Variants in ANG observed in about 807,000 individuals in gnomAD.
ANG encodes the protein angiogenin, also known as Homo sapiens epididymis luminal protein 168.
For synonymous variants in ANG, 74 were observed against 73.8 expected, an observed-to-expected ratio of 1.00 and a Z score of -0.02; for missense variants, 178 against 187.4, an observed-to-expected ratio of 0.95 and a Z score of 0.29.
upstream of ANG, among the ~76,000 whole-genome samples, chr14:20,686,265 A>G (rs775272031): frequency 1.3e-5 from 2 of 152,174 alleles, no homozygotes; most frequent in Non-Finnish European, 2.9e-5. Context: ...TAATGTGGAG[A>G]TGAACTATCG....
At chr14:20,686,466 C>A (rs1358961314), upstream of ANG, among the ~76,000 whole-genome samples, 1 of 152,130 alleles carries the variant, frequency 6.6e-6, no homozygotes, top group Non-Finnish European at 1.5e-5. Context: ...TCAGTGAAAC[C>A]TTTCTTTAGG....
At position 20,693,697 on chromosome 14, in the gene ANG, C is replaced by T. The variant is rs746187039; in HGVS notation, c.133C>T (p.Arg45Trp). ...TQHYDAKPQG[R>W]DDRYCESIMR... ...GCACTATGATGCCAAACCACAGGGC[C>T]GGGATGACAGATACTGTGAAAGCAT... Residue 45 changes from arginine (R) to tryptophan (W), a missense_variant, in exon 2 of 2, where the codon CGG becomes TGG. Physicochemically the swap from Arg to Trp is moderately radical, Grantham distance 101. Transcript: ENST00000397990. 12 of 1,614,010 alleles carry T rather than the reference C, an allele frequency of 7.4e-6. No homozygotes were observed. The highest frequency in any genetic ancestry group is 4.5e-5 in the East Asian group (2 of 44,890).
At chr14:20,688,545 A>G (rs1566598727), upstream of ANG, 8 of 221,466 alleles carry the variant, frequency 3.6e-5, no homozygotes. Context: ...CACCACAGAC[A>G]GCAGAAAAGG....
rs1484555472 is a variant in ANG at position 20,694,049 on chromosome 14, C to A, written c.*41C>A. The A allele has an allele frequency of 1.9e-6, 3 of 1,607,732 alleles. No individual in the cohort carries two copies. Among genetic ancestry groups the A allele is most frequent in the Non-Finnish European group, 8.5e-7 (1 of 1,174,296 alleles). The stretch of plus-strand genomic sequence containing the variant: ...TCAAGTGCTGGCTCTGCTGTCCTTG[C>A]CTTCCATTTCCCCTCTGCACCCAGA... On this transcript the variant is annotated 3_prime_UTR_variant, in exon 2 of 2. Transcript: ENST00000397990.
chr14:20,693,742 A>T lies in ANG; in HGVS notation c.178A>T (p.Thr60Ser). The T allele has an allele frequency of 1.2e-6, 2 of 1,614,200 alleles. No individual in the cohort carries two copies. Among genetic ancestry groups the T allele is most frequent in the South Asian group, 2.2e-5 (2 of 91,088 alleles). The change falls in exon 2 of 2, where the codon ACC becomes TCC. Residue 60 changes from threonine (T) to serine (S), a missense_variant. Thr to Ser is a moderately conservative substitution (Grantham distance 58). Coordinates refer to ENST00000397990, the MANE Select transcript of ANG (RefSeq NM_001097577.3). ...CESIMRRRGL[T>S]SPCKDINTFI... The stretch of plus-strand genomic sequence containing the variant: ...AAGCATCATGAGGAGACGGGGCCTG[A>T]CCTCACCCTGCAAAGACATCAACAC...
chr14:20,692,930 C>A (rs1271752874), intron 1 of ANG, among the ~76,000 whole-genome samples: 1 of 152,148 alleles, frequency 6.6e-6, no homozygotes, highest in Non-Finnish European at 1.5e-5. Context: ...TCACTGCAAG[C>A]TCCGCCTCCC....
intron 1 of ANG, among the ~76,000 whole-genome samples, chr14:20,691,454 ATG>A (rs1886741211): frequency 6.6e-6 from 1 of 152,248 alleles, no homozygotes; most frequent in South Asian, 2.1e-4. Context: ...CATGATGTAA[ATG>A]TGAAGAACGT....
In ANG at chr14:20,693,737, G is replaced by T. The variant is rs1448731026; in HGVS notation, c.173G>T (p.Gly58Val). The change falls in exon 2 of 2, where the codon GGC becomes GTC. Residue 58 changes from glycine to valine, a missense_variant. Coordinates refer to ENST00000397990, the MANE Select transcript of ANG (RefSeq NM_001097577.3). ...TGTGAAAGCATCATGAGGAGACGGG[G>T]CCTGACCTCACCCTGCAAAGACATC... ...RYCESIMRRR[G>V]LTSPCKDINT... 1.9e-6 allele frequency: 3 copies of T among 1,614,202 alleles called. No homozygotes were observed. Among genetic ancestry groups the T allele is most frequent in the Admixed American group, 3.3e-5 (2 of 60,030 alleles).
chr14:20,688,670 C>T (rs1389888822), upstream of ANG: 3 of 984,860 alleles, frequency 3.0e-6, no homozygotes, highest in Admixed American at 6.1e-5. Context: ...AGGTGAATGA[C>T]CCTCCTCGTT....
At chr14:20,686,116 A>C (rs1886414965), upstream of ANG, among the ~76,000 whole-genome samples, 1 of 151,864 alleles carries the variant, frequency 6.6e-6, no homozygotes, top group Non-Finnish European at 1.5e-5. Context: ...TCCTTGGGCA[A>C]TACATGTCTC....
chr14:20,693,366 G>A, intron 1 of ANG, 181 bp from the exon 2 acceptor site: 3 of 742,234 alleles, frequency 4.0e-6, no homozygotes, highest in Non-Finnish European at 4.4e-6. Flanking sequence ...TTAAATAGAC[G>A]TTCCGCAGGA....
At chr14:20,688,936 C>T (rs1334093767) in intron 1 of ANG, 62 bp downstream of exon 1, 1 of 866,126 alleles carries the variant, frequency 1.2e-6, no homozygotes, top group East Asian at 1.2e-4. Context: ...TTTAATGAAA[C>T]CATTTTCCTC....
chr14:20,687,469 T>C (rs367569683), upstream of ANG, among the ~76,000 whole-genome samples: 11 of 152,310 alleles, frequency 7.2e-5, no homozygotes, highest in East Asian at 9.6e-4. Flanking sequence ...CTTCAGGCCA[T>C]GGGGCTGTGT....
chr14:20,690,035 G>T (rs1408663146), intron 1 of ANG, among the ~76,000 whole-genome samples: 1 of 147,244 alleles, frequency 6.8e-6, no homozygotes, highest in Non-Finnish European at 1.5e-5. Flanking sequence ...CTAACAAGGT[G>T]AAACCCCGTC....
upstream of ANG, among the ~76,000 whole-genome samples, chr14:20,686,090 G>T (rs5019558): frequency 6.6e-6 from 1 of 151,128 alleles, no homozygotes; most frequent in African/African-American, 2.4e-5. Context: ...CTTCCAGGCC[G>T]GCGAATGCAA....
chr14:20,690,242 A>G (rs1022796744), intron 1 of ANG, among the ~76,000 whole-genome samples: 2 of 150,146 alleles, frequency 1.3e-5, no homozygotes, highest in East Asian at 1.9e-4. Flanking sequence ...AAAAAAAAAA[A>G]AAAAAAGAAA....
chr14:20,684,697 G>A (rs1479721746), upstream of ANG: 4 of 152,304 alleles, frequency 2.6e-5, no homozygotes, highest in East Asian at 7.7e-4. Context: ...GAAGAAGCGG[G>A]TGAGAAACAA....
chr14:20,688,784 A>G lies in ANG; in HGVS notation c.-109A>G. 1 of 985,392 alleles carries G rather than the reference A, an allele frequency of 1.0e-6. No individual in the cohort carries two copies. The highest frequency in any genetic ancestry group is 1.2e-6 in the Non-Finnish European group (1 of 829,906). 61.0% of individuals were successfully genotyped at this position (985,392 alleles called of 1,614,324 possible). A position where few individuals can be genotyped will look rare whatever the true frequency, so the allele number is the denominator to read the frequency against. On this transcript the variant is annotated 5_prime_UTR_variant, in exon 1 of 2. Coordinates refer to ENST00000397990, the MANE Select transcript of ANG (RefSeq NM_001097577.3). ...AACCTGGAGAGGCCTCCAGGTTCACACAACTGGAACCCATCTCCAGGAACA... is the reference window on the plus strand; with the variant it reads ...AACCTGGAGAGGCCTCCAGGTTCACGCAACTGGAACCCATCTCCAGGAACA...
At position 20,693,664 on chromosome 14, in the gene ANG, C is replaced by T. The variant is rs767709995; in HGVS notation, c.100C>T (p.Leu34=). 1 of 1,614,164 alleles carries T rather than the reference C, an allele frequency of 6.2e-7. No homozygotes were observed. The part of the protein sequence containing the change: ...AQDNSRYTHF[L]TQHYDAKPQG... ...GGATAACTCCAGGTACACACACTTCCTGACCCAGCACTATGATGCCAAACC... is the reference window on the plus strand; with the variant it reads ...GGATAACTCCAGGTACACACACTTCTTGACCCAGCACTATGATGCCAAACC... Residue 34 remains leucine (L), a synonymous_variant, in exon 2 of 2, where the codon CTG becomes TTG. Transcript: ENST00000397990.
Sources: gnomAD v4.1 joint callset for allele counts (sites outside exome capture counted in the v4.1 genomes callset) on GRCh38, gnomAD v4.1.1 for gene constraint, MANE v1.5 for transcripts, NCBI Gene and HGNC (gene_info 2026-07-23, HGNC 2026-07-21) for gene names.